Variants in PLA2G7 observed in about 807,000 individuals in gnomAD.
PLA2G7 encodes the protein phospholipase A2 group VII.
A neutral mutation model predicts 49.6 loss-of-function variants in PLA2G7; 63 were observed. The ratio of observed to expected loss-of-function variants is 1.27; its 90% CI spans 1.04 to 1.57. PLA2G7 has a LOEUF of 1.57. PLA2G7 is among the 40% of genes most tolerant of loss of function. PLA2G7 has a pLI of 0.00. For synonymous variants in PLA2G7, 193 were observed against 169.9 expected (o/e 1.14, Z -1.06); for missense variants, 596 against 521.2 (o/e 1.14, Z -1.40).
intron 1 of PLA2G7, among the ~76,000 whole-genome samples, chr6:46,727,674 A>G (rs1012260904): frequency 2.0e-5 from 3 of 152,228 alleles, no homozygotes; most frequent in African/African-American, 7.2e-5. Context: ...ATCTGACCCA[A>G]TGTAATCACA....
rs749628283 is a variant in PLA2G7, at chr6:46,714,485, AAAC to A, written c.442_444del (p.Val148del). The A allele has an allele frequency of 1.1e-4, 171 of 1,612,666 alleles. 1 individual carries two copies. The highest frequency in any genetic ancestry group is 8.2e-4 in the Middle Eastern group (5 of 6,062). On this transcript the variant is annotated inframe_deletion, in exon 5 of 12. Coordinates refer to ENST00000274793, the MANE Select transcript of PLA2G7 (RefSeq NM_005084.4). ...CTGAATGCCCCAAGACCATGAGAAA[AAAC>A]AACAAGTGGATATTTTTCACCAGGC...
At chr6:46,719,736 G>A (rs1676822062) in intron 2 of PLA2G7, among the ~76,000 whole-genome samples, 1 of 152,174 alleles carries the variant, frequency 6.6e-6, no homozygotes, top group Non-Finnish European at 1.5e-5. Context: ...CAGTTGTAAA[G>A]ATGAGGTGAG....
At position 46,722,832 on chromosome 6, in the gene PLA2G7, A is replaced by T; in HGVS notation, c.60T>A (p.Tyr20Ter). The T allele has an allele frequency of 6.2e-7, 1 of 1,613,974 alleles. No homozygotes were observed. Among genetic ancestry groups the T allele is most frequent in the Non-Finnish European group, 8.5e-7 (1 of 1,179,848 alleles). Reference protein sequence around the residue: ...FCLCGCLAVVYPFDWQYINPV... With the variant: ...FCLCGCLAVV ...GATTTATGTATTGCCAGTCAAAAGGATAAACCACAGCCAGGCAGCCGCAGA... is the reference window on the plus strand; with the variant it reads ...GATTTATGTATTGCCAGTCAAAAGGTTAAACCACAGCCAGGCAGCCGCAGA... The change falls in exon 2 of 12, where the codon TAT (tyrosine) becomes TAA (stop). Residue 20 changes from tyrosine (Y) to a stop codon, truncating the protein, a stop_gained. Transcript: ENST00000274793. LOFTEE classifies it high-confidence loss of function.
Position 46,704,466 on chromosome 6 carries a change from TCTCTCTCTCTCTCACACACACACA to T in PLA2G7, c.*70_*93del. The T allele has an allele frequency of 3.9e-6, 2 of 507,232 alleles. No homozygotes were observed. Among genetic ancestry groups the T allele is most frequent in the South Asian group, 4.0e-5 (2 of 50,164 alleles). 31.4% of individuals were successfully genotyped at this position (507,232 alleles called of 1,614,324 possible). Reference sequence around the variant, plus strand: ...TTCTCTCTCTCTCTCTCTCTCTCTCTCTCTCTCTCTCTCACACACACACACACACACACACACACACACATAATT... The same window carrying T: ...TTCTCTCTCTCTCTCTCTCTCTCTCTCACACACACACACACACACATAATT... On this transcript the variant is annotated 3_prime_UTR_variant, in exon 12 of 12. Coordinates refer to ENST00000274793, the MANE Select transcript of PLA2G7 (RefSeq NM_005084.4).
chr6:46,705,126 T>C, intron 11 of PLA2G7, 27 bp downstream of exon 11: 2 of 1,544,184 alleles, frequency 1.3e-6, no homozygotes, highest in Middle Eastern at 4.1e-4. Flanking sequence ...TCATCTGGTT[T>C]AGGTCATGAA....
chr6:46,706,517 T>C (rs1219676586), intron 10 of PLA2G7, among the ~76,000 whole-genome samples: 1 of 152,130 alleles, frequency 6.6e-6, no homozygotes, highest in Admixed American at 6.5e-5. Flanking sequence ...TGGTCAGCAA[T>C]GTTGAACAGA....
Position 46,705,302 on chromosome 6 carries a change from C to T in PLA2G7, c.1041-1G>A. 1 of 1,610,186 alleles carries T rather than the reference C, an allele frequency of 6.2e-7. No individual in the cohort carries two copies. The highest frequency in any genetic ancestry group is 8.5e-7 in the Non-Finnish European group (1 of 1,176,926). The stretch of plus-strand genomic sequence containing the variant: ...AGCAAAATTCTGGTGGACTGAACCC[C>T]TAAAAGAGAACAAGACATTTAAAAG... On this transcript the variant is annotated splice_acceptor_variant, in intron 10 of 11. Coordinates refer to ENST00000274793, the MANE Select transcript of PLA2G7 (RefSeq NM_005084.4). LOFTEE classifies it high-confidence loss of function.
chr6:46,717,212 C>T, intron 2 of PLA2G7, 116 bp from the exon 3 acceptor site: 3 of 917,928 alleles, frequency 3.3e-6, no homozygotes, highest in African/African-American at 1.6e-5. Flanking sequence ...TTCTTTCTTT[C>T]TCAACCTAAC....
chr6:46,704,472 TCTCTCTCACACACA>T lies in PLA2G7; in HGVS notation c.*74_*87del, dbSNP rs758857405. On this transcript the variant is annotated 3_prime_UTR_variant, in exon 12 of 12. Coordinates refer to ENST00000274793, the MANE Select transcript of PLA2G7 (RefSeq NM_005084.4). ...CTCTCTCTCTCTCTCTCTCTCTCTC[TCTCTCTCACACACA>T]CACACACACACACACACACACACAT... The T allele has an allele frequency of 0.018, 1,807 of 101,400 alleles. 3 individuals are homozygous for T. Among genetic ancestry groups the T allele is most frequent in the South Asian group, 0.11 (892 of 8,256 alleles). The allele number at this position is 101,400 out of a possible 1,614,324, so 6.3% of individuals were successfully genotyped here.
Position 46,714,566 on chromosome 6 carries a change from G to A in PLA2G7, c.377-13C>T, listed in dbSNP as rs201525367. 1.3e-6 allele frequency: 2 copies of A among 1,490,516 alleles called. No homozygotes were observed. The highest frequency in any genetic ancestry group is 1.7e-5 in the Admixed American group (1 of 59,760). The allele number at this position is 1,490,516 out of a possible 1,614,324, so 92.3% of individuals were successfully genotyped here. Reference sequence around the variant, plus strand: ...GTTGTCATTGAACCTAGACAACAATGGAAGGTTATAGTTAAGGTTTTCTCT... The same window carrying A: ...GTTGTCATTGAACCTAGACAACAATAGAAGGTTATAGTTAAGGTTTTCTCT... On this transcript the variant is annotated splice_polypyrimidine_tract_variant and intron_variant, in intron 4 of 11. Transcript: ENST00000274793.
intron 1 of PLA2G7, among the ~76,000 whole-genome samples, chr6:46,726,832 A>T (rs1044447993): frequency 6.6e-6 from 1 of 151,980 alleles, no homozygotes; most frequent in African/African-American, 2.4e-5. Context: ...AGTAGAGACA[A>T]GGTTTCTCCA....
Position 46,714,565 on chromosome 6 carries a change from T to C in PLA2G7, c.377-12A>G, listed in dbSNP as rs752541555. The C allele has an allele frequency of 1.1e-5, 16 of 1,490,338 alleles. No individual in the cohort carries two copies. Among genetic ancestry groups the C allele is most frequent in the East Asian group, 2.3e-5 (1 of 44,304 alleles). 92.3% of individuals were successfully genotyped at this position (1,490,338 alleles called of 1,614,324 possible). On this transcript the variant is annotated splice_polypyrimidine_tract_variant and intron_variant, in intron 4 of 11. Transcript: ENST00000274793. ...AGTTGTCATTGAACCTAGACAACAA[T>C]GGAAGGTTATAGTTAAGGTTTTCTC...
chr6:46,715,317 T>G (rs1401779323), intron 4 of PLA2G7, among the ~76,000 whole-genome samples: 3 of 152,184 alleles, frequency 2.0e-5, no homozygotes. Context: ...ACTGACTTCA[T>G]ACTGAGTCAT....
At chr6:46,717,216 AC>A in intron 2 of PLA2G7, 120 bp from the exon 3 acceptor site, 1 of 888,062 alleles carries the variant, frequency 1.1e-6, no homozygotes, top group East Asian at 2.5e-5. Context: ...TTCTTTCTCA[AC>A]CTAACAAGTA....
At chr6:46,708,198 G>C (rs1764896130) in intron 9 of PLA2G7, 37 bp from the exon 10 acceptor site, 1 of 1,500,720 alleles carries the variant, frequency 6.7e-7, no homozygotes, top group Non-Finnish European at 9.3e-7. Context: ...AATTAAACTG[G>C]TTACATACTA....
chr6:46,732,155 T>C (rs1332191090), intron 1 of PLA2G7, among the ~76,000 whole-genome samples: 1 of 152,132 alleles, frequency 6.6e-6, no homozygotes, highest in Non-Finnish European at 1.5e-5. Flanking sequence ...ACTCTCCTTC[T>C]CCCTCACCTA....
rs748800429 is a variant in PLA2G7, at chr6:46,704,706, A to G, written c.1190-10T>C. 2.0e-6 allele frequency: 3 copies of G among 1,509,460 alleles called. No individual in the cohort carries two copies. The highest frequency in any genetic ancestry group is 2.2e-5 in the South Asian group (2 of 89,330). 93.5% of individuals were successfully genotyped at this position (1,509,460 alleles called of 1,614,324 possible). On this transcript the variant is annotated splice_polypyrimidine_tract_variant and intron_variant, in intron 11 of 11. Coordinates refer to ENST00000274793, the MANE Select transcript of PLA2G7 (RefSeq NM_005084.4). ...AAATCTTTATGAAGTCCTATAAAAT[A>G]TAAAGTGTTAATCAACATATTAAAC...
chr6:46,728,854 G>A (rs747185654), intron 1 of PLA2G7, among the ~76,000 whole-genome samples: 6 of 152,158 alleles, frequency 3.9e-5, no homozygotes, highest in Non-Finnish European at 5.9e-5. Flanking sequence ...ACCTGTATCA[G>A]AGTAATAAAG....
At chr6:46,720,545 A>G (rs1765362088) in intron 2 of PLA2G7, among the ~76,000 whole-genome samples, 1 of 152,162 alleles carries the variant, frequency 6.6e-6, no homozygotes, top group Admixed American at 6.5e-5. Context: ...GCTGTGGAAC[A>G]GGCTCCATAG....
Sources: allele counts gnomAD v4.1 joint callset (sites outside exome capture counted in the v4.1 genomes callset), GRCh38; gene constraint gnomAD v4.1.1; transcripts MANE v1.5; gene names NCBI Gene and HGNC (gene_info 2026-07-23, HGNC 2026-07-21).